ZSWIM6: variants seen among roughly 807,000 people sequenced by gnomAD.
The protein encoded by ZSWIM6 is zinc finger SWIM domain-containing protein 6.
In ZSWIM6, 9 loss-of-function variants were observed where a neutral mutation model predicts 113.2. That is an observed-to-expected ratio of 0.08 (90% CI 0.05 to 0.14). The LOEUF (loss-of-function observed/expected upper bound fraction) is 0.14. Among genes scored for constraint, ZSWIM6 ranks in the 10% least tolerant of loss-of-function variants. The pLI is 1.00. For missense variants in ZSWIM6, 1,162 were observed against 1,552.2 expected (o/e 0.75, Z 4.22); for synonymous variants, 611 against 606.5 (o/e 1.01, Z -0.11).
intron 1 of ZSWIM6, chr5:61,375,307 A>G: frequency 1.9e-6 from 3 of 1,608,548 alleles, no homozygotes; most frequent in Non-Finnish European, 2.6e-6. Flanking sequence ...AGAAAAAATG[A>G]ATGAGAACTG....
chr5:61,376,151 G>A lies in ZSWIM6; in HGVS notation c.676+43203G>A, dbSNP rs1183107889. ...AAAATTAATACTTTTGACTAGAAGC[G>A]TCTAAGGATAAACCAACAGAAATTG... On this transcript the variant is annotated intron_variant, in intron 1 of 13. Coordinates refer to ENST00000252744, the MANE Select transcript of ZSWIM6 (RefSeq NM_020928.2). 6.5e-5 allele frequency among the ~76,000 whole-genome samples: 5 copies of A among 77,318 alleles called. 1 individual carries two copies. Among genetic ancestry groups the A allele is most frequent in the African/African-American group, 1.6e-4 (3 of 18,790 alleles). The allele number at this position is 77,318 out of a possible 152,430, so 50.7% of individuals were successfully genotyped here. A position where few individuals can be genotyped will look rare whatever the true frequency, so the allele number is the denominator to read the frequency against.
chr5:61,458,393 T>TA (rs1400472970), intron 1 of ZSWIM6, among the ~76,000 whole-genome samples: 1 of 152,178 alleles, frequency 6.6e-6, no homozygotes, highest in Non-Finnish European at 1.5e-5. Context: ...AGAATGCCCT[T>TA]AACCTAAATA....
intron 1 of ZSWIM6, among the ~76,000 whole-genome samples, chr5:61,427,641 G>C (rs918604821): frequency 6.6e-6 from 1 of 151,954 alleles, no homozygotes; most frequent in Non-Finnish European, 1.5e-5. Context: ...ACTGTGCCTC[G>C]TTAATTTTTA....
At chr5:61,394,838 A>C (rs1292130927) in intron 1 of ZSWIM6, among the ~76,000 whole-genome samples, 3 of 152,152 alleles carry the variant, frequency 2.0e-5, no homozygotes, top group Non-Finnish European at 4.4e-5. Context: ...CAGATTCTGC[A>C]CAGCTGCTAC....
At chr5:61,379,640 T>C (rs1293000474) in intron 1 of ZSWIM6, among the ~76,000 whole-genome samples, 2 of 152,218 alleles carry the variant, frequency 1.3e-5, no homozygotes, top group African/African-American at 4.8e-5. Context: ...CCATTGGTTT[T>C]TGTCTTGTGA....
chr5:61,391,761 A>G lies in ZSWIM6; in HGVS notation c.676+58813A>G, dbSNP rs1185282682. 3.7e-6 allele frequency: 4 copies of G among 1,067,870 alleles called. No individual in the cohort carries two copies. In the East Asian group the frequency reaches 7.1e-5, roughly 19 times the overall value. 66.1% of individuals were successfully genotyped at this position (1,067,870 alleles called of 1,614,324 possible). A position where few individuals can be genotyped will look rare whatever the true frequency, so the allele number is the denominator to read the frequency against. On this transcript the variant is annotated intron_variant, in intron 1 of 13. Transcript: ENST00000252744. ...AGGCTGTGAGGTGGACCAGCTTGGA[A>G]GGGTCATCCTTAGGAAAGCTCTTCA...
rs577190000 is a variant in ZSWIM6, at chr5:61,482,004, A to G, written c.1034-8782A>G. Among the ~76,000 whole-genome samples the G allele has an allele frequency of 1.4e-4, 22 of 152,344 alleles. No homozygotes were observed. The East Asian group carries it at 4.2e-3, about 29-fold the overall frequency. ...TTAATGGACCATTTAATTTACATAC[A>G]TTCAGATTCTGGTTCCTGCCCAACG... is the stretch of plus-strand genomic sequence containing the variant. On this transcript the variant is annotated intron_variant, in intron 2 of 13. Coordinates refer to ENST00000252744, the MANE Select transcript of ZSWIM6 (RefSeq NM_020928.2).
rs1287595081 is a variant in ZSWIM6 at position 61,414,367 on chromosome 5, T to C, written c.677-58314T>C. 2.0e-5 allele frequency among the ~76,000 whole-genome samples: 3 copies of C among 152,218 alleles called. No individual in the cohort carries two copies. The East Asian group carries it at 5.8e-4, about 29-fold the overall frequency. On this transcript the variant is annotated intron_variant, in intron 1 of 13. Transcript: ENST00000252744. ...TTGAGGATCAGGGGTGGTGACTGTTTATTGGAGCTGGGAATGAGGGGGAAA... is the reference window on the plus strand; with the variant it reads ...TTGAGGATCAGGGGTGGTGACTGTTCATTGGAGCTGGGAATGAGGGGGAAA...
At chr5:61,410,470 T>C (rs930191438) in intron 1 of ZSWIM6, among the ~76,000 whole-genome samples, 4 of 151,756 alleles carry the variant, frequency 2.6e-5, no homozygotes, top group South Asian at 2.1e-4. Context: ...CCACCATGCC[T>C]GGCTAATTTT....
intron 4 of ZSWIM6, among the ~76,000 whole-genome samples, chr5:61,495,874 G>C (rs999492998): frequency 1.1e-4 from 16 of 151,648 alleles, no homozygotes; most frequent in African/African-American, 3.9e-4. Context: ...AAAAATTATT[G>C]AATTAATATT....
intron 9 of ZSWIM6, among the ~76,000 whole-genome samples, 177 bp from the exon 10 acceptor site, chr5:61,535,307 G>A (rs751282765): frequency 1.1e-4 from 17 of 152,072 alleles, no homozygotes; most frequent in Non-Finnish European, 2.4e-4. Context: ...AATCTGTAAC[G>A]GATGCTATAC....
chr5:61,443,430 G>A (rs1746879694), intron 1 of ZSWIM6, among the ~76,000 whole-genome samples: 1 of 152,120 alleles, frequency 6.6e-6, no homozygotes, highest in Admixed American at 6.6e-5. Context: ...CACCACTTCA[G>A]ATTTGAAGTC....
rs1449980259 is a variant in ZSWIM6, at chr5:61,541,928, G to A, written c.2748G>A (p.Glu916=). The A allele has an allele frequency of 6.4e-7, 1 of 1,551,544 alleles. No homozygotes were observed. Among genetic ancestry groups the A allele is most frequent in the Non-Finnish European group, 8.7e-7 (1 of 1,146,570 alleles). The change falls in exon 13 of 14, where the codon GAG becomes GAA. Residue 916 remains glutamate, a synonymous_variant. Transcript: ENST00000252744. The part of the protein sequence containing the change: ...TLSTLNWRRR[E]MVRWLVTCAT... ...CAACCTTAAATTGGCGACGGCGGGA[G>A]ATGGTGAGGTGGCTGGTAACGTGTG...
intron 1 of ZSWIM6, among the ~76,000 whole-genome samples, chr5:61,365,998 C>T (rs1745141104): frequency 6.6e-6 from 1 of 152,088 alleles, no homozygotes; most frequent in African/African-American, 2.4e-5. Context: ...CTCCACCTCC[C>T]AGGCTCAAGT....
chr5:61,433,705 C>T (rs1048980961), intron 1 of ZSWIM6, among the ~76,000 whole-genome samples: 3 of 152,076 alleles, frequency 2.0e-5, no homozygotes, highest in Non-Finnish European at 4.4e-5. Flanking sequence ...AACGCCCGAC[C>T]TCAGGTGATC....
chr5:61,493,601 CTGTT>C (rs992474896), intron 3 of ZSWIM6, among the ~76,000 whole-genome samples: 35 of 152,244 alleles, frequency 2.3e-4, no homozygotes, highest in African/African-American at 6.5e-4. Flanking sequence ...AGGTGCCAAA[CTGTT>C]TGTCCTGTTT....
chr5:61,458,657 C>T (rs1388939315), intron 1 of ZSWIM6, among the ~76,000 whole-genome samples: 3 of 152,058 alleles, frequency 2.0e-5, no homozygotes, highest in Non-Finnish European at 4.4e-5. Context: ...GCAGGTGGAT[C>T]ACTTGAGGTC....
At chr5:61,415,594 A>G (rs1377469314) in intron 1 of ZSWIM6, among the ~76,000 whole-genome samples, 1 of 149,604 alleles carries the variant, frequency 6.7e-6, no homozygotes, top group Non-Finnish European at 1.5e-5. Flanking sequence ...TCTGTCTCCA[A>G]AAAAAAAAAA....
chr5:61,373,372 CTTTTTTTTTTTTT>C (rs748556109), intron 1 of ZSWIM6, among the ~76,000 whole-genome samples: 4 of 102,968 alleles, frequency 3.9e-5, no homozygotes, highest in African/African-American at 4.1e-5. Flanking sequence ...CTCAGTATTT[CTTTTTTTTTTTTT>C]TTTTTTTTTT....
Sources: gnomAD v4.1 joint callset for allele counts (sites outside exome capture counted in the v4.1 genomes callset) on GRCh38, gnomAD v4.1.1 for gene constraint, MANE v1.5 for transcripts, NCBI Gene and HGNC (gene_info 2026-07-23, HGNC 2026-07-21) for gene names.